PKHD1: variants seen among roughly 807,000 people sequenced by gnomAD.
PKHD1 encodes the protein fibrocystin.
A neutral mutation model predicts 412.0 loss-of-function variants in PKHD1; 291 were observed. The observed-to-expected ratio is 0.71, with a 90% CI of 0.64 to 0.78. The LOEUF is 0.78. Ranked by LOEUF, PKHD1 falls within the 30% of genes least tolerant of loss-of-function variation. The pLI, the probability that PKHD1 is intolerant of heterozygous loss-of-function variation, is 0.00. For synonymous variants in PKHD1, 1,777 were observed against 1,821.5 expected, an observed-to-expected ratio of 0.98 and a Z score of 0.62; for missense variants, 4,825 against 4,950.7, an observed-to-expected ratio of 0.97 and a Z score of 0.76.
At chr6:52,074,126 T>C (rs1811026281) in intron 6 of PKHD1, among the ~76,000 whole-genome samples, 1 of 152,238 alleles carries the variant, frequency 6.6e-6, no homozygotes, top group Non-Finnish European at 1.5e-5. Context: ...AAAAGAATGT[T>C]GGTTAGTGAG....
At chr6:51,926,010 T>G (rs960641942) in intron 37 of PKHD1, among the ~76,000 whole-genome samples, 5 of 148,712 alleles carry the variant, frequency 3.4e-5, no homozygotes, top group Non-Finnish European at 7.4e-5. Flanking sequence ...GCCCTCATGA[T>G]GTATATATTC....
At chr6:51,961,901 G>A (rs780499439) in intron 35 of PKHD1, among the ~76,000 whole-genome samples, 3 of 152,056 alleles carry the variant, frequency 2.0e-5, no homozygotes. Flanking sequence ...TTAATAAAAT[G>A]TAGATTTCTC....
chr6:51,969,472 G>A (rs965907218), intron 35 of PKHD1, among the ~76,000 whole-genome samples: 2 of 152,168 alleles, frequency 1.3e-5, no homozygotes, highest in Admixed American at 1.3e-4. Flanking sequence ...TTGCATAGTG[G>A]TAAAGTCCGG....
At chr6:51,640,071 G>A (rs1431484209) in intron 63 of PKHD1, among the ~76,000 whole-genome samples, 3 of 152,104 alleles carry the variant, frequency 2.0e-5, no homozygotes, top group Non-Finnish European at 2.9e-5. Context: ...AGGTGCCCAA[G>A]ATAAATGCAG....
At chr6:51,621,531 T>C (rs1485112950) in intron 66 of PKHD1, among the ~76,000 whole-genome samples, 1 of 152,178 alleles carries the variant, frequency 6.6e-6, no homozygotes, top group Non-Finnish European at 1.5e-5. Context: ...ATTGGAAATC[T>C]TTTCCCCCTT....
intron 43 of PKHD1, among the ~76,000 whole-genome samples, chr6:51,894,533 C>T (rs922636014): frequency 3.0e-4 from 46 of 152,186 alleles, no homozygotes; most frequent in African/African-American, 9.7e-4. Flanking sequence ...ACTGCAAGCC[C>T]AGCTGAATTC....
At chr6:51,798,593 A>G (rs1400687153) in intron 52 of PKHD1, among the ~76,000 whole-genome samples, 1 of 152,018 alleles carries the variant, frequency 6.6e-6, no homozygotes, top group East Asian at 1.9e-4. Context: ...TTTGATGAGT[A>G]TGTGTCTACG....
intron 61 of PKHD1, among the ~76,000 whole-genome samples, chr6:51,656,947 C>T (rs1359668727): frequency 1.3e-5 from 2 of 151,984 alleles, no homozygotes; most frequent in African/African-American, 2.4e-5. Context: ...TGAGCCATCA[C>T]GCCTGGCCCA....
chr6:51,627,267 T>C (rs1299796748), intron 65 of PKHD1, 151 bp from the exon 66 acceptor site: 1 of 763,614 alleles, frequency 1.3e-6, no homozygotes, highest in Non-Finnish European at 2.3e-6. Context: ...CAAGAAATAA[T>C]GGCATAAAAT....
chr6:51,821,012 T>C (rs1766325160), intron 52 of PKHD1, among the ~76,000 whole-genome samples: 1 of 152,138 alleles, frequency 6.6e-6, no homozygotes, highest in Non-Finnish European at 1.5e-5. Flanking sequence ...CATTAAAAAC[T>C]CCCACGGGCA....
At position 51,980,185 on chromosome 6, in the gene PKHD1, C is replaced by A. The variant is rs967443370; in HGVS notation, c.5752-20159G>T. ...AAACAAATGGGGGATGTCAGTGACA[C>A]CAAAATGCTTTCTCTTGCCTGAAAG... On this transcript the variant is annotated intron_variant, in intron 35 of 66. Coordinates refer to ENST00000371117, the MANE Select transcript of PKHD1 (RefSeq NM_138694.4). Among the ~76,000 whole-genome samples, 32 of 152,234 alleles carry A rather than the reference C, an allele frequency of 2.1e-4. 1 individual carries two copies. Among genetic ancestry groups the A allele is most frequent in the African/African-American group, 7.5e-4 (31 of 41,544 alleles).
chr6:51,885,684 C>T (rs1778091525), intron 45 of PKHD1, among the ~76,000 whole-genome samples, 183 bp downstream of exon 45: 1 of 152,212 alleles, frequency 6.6e-6, no homozygotes, highest in Non-Finnish European at 1.5e-5. Context: ...ATTTGTTTAA[C>T]AACTATTCTA....
chr6:51,793,667 C>T lies in PKHD1; in HGVS notation c.8303-2294G>A, dbSNP rs182588131. Among the ~76,000 whole-genome samples the T allele has an allele frequency of 5.9e-5, 9 of 152,362 alleles. No individual in the cohort carries two copies. The East Asian group carries it at 1.7e-3, about 29-fold the overall frequency. The stretch of plus-strand genomic sequence containing the variant: ...TGCTAAGGATAATGGCCTCCAGCTC[C>T]ATCCATATCCCTGCAAAGGACAAAT... On this transcript the variant is annotated intron_variant, in intron 52 of 66. Coordinates refer to ENST00000371117, the MANE Select transcript of PKHD1 (RefSeq NM_138694.4).
intron 37 of PKHD1, among the ~76,000 whole-genome samples, chr6:51,932,482 C>A (rs971540323): frequency 6.6e-6 from 1 of 152,170 alleles, no homozygotes; most frequent in Non-Finnish European, 1.5e-5. Context: ...TATGGGCTGG[C>A]TGAACCACAA....
At chr6:51,850,523 G>C (rs1772013328) in intron 49 of PKHD1, among the ~76,000 whole-genome samples, 1 of 152,222 alleles carries the variant, frequency 6.6e-6, no homozygotes. Context: ...TCCTATCCAT[G>C]AGCGTGGAAT....
At chr6:51,747,342 A>C (rs576911153) in intron 58 of PKHD1, among the ~76,000 whole-genome samples, 1 of 147,278 alleles carries the variant, frequency 6.8e-6, no homozygotes, top group East Asian at 1.9e-4. Flanking sequence ...TCTACATTTC[A>C]ATTTCCTCAC....
Position 51,867,961 on chromosome 6 carries a change from G to A in PKHD1, c.7635C>T (p.Thr2545=), listed in dbSNP as rs779757789. 4 of 1,613,220 alleles carry A rather than the reference G, an allele frequency of 2.5e-6. No individual in the cohort carries two copies. The highest frequency in any genetic ancestry group is 2.2e-5 in the South Asian group (2 of 91,068). Residue 2545 remains threonine (T), a synonymous_variant, in exon 48 of 67, where the codon ACC becomes ACT. Transcript: ENST00000371117. Reference sequence around the variant, plus strand: ...AATTGACCAAACAAGAAGCTGAAAGGGTTTCCATAGAAGCAAGAATGTGAC... The same window carrying A: ...AATTGACCAAACAAGAAGCTGAAAGAGTTTCCATAGAAGCAAGAATGTGAC... ...NRSHILASME[T]LSASCLVNSS...
At chr6:52,017,354 C>G in intron 34 of PKHD1, 56 bp downstream of exon 34, 1 of 1,235,222 alleles carries the variant, frequency 8.1e-7, no homozygotes, top group Non-Finnish European at 1.2e-6. Context: ...ATGGCTCCAT[C>G]GGTCCATTGG....
At chr6:52,070,382 C>T in intron 10 of PKHD1, 24 bp downstream of exon 10, 1 of 1,495,968 alleles carries the variant, frequency 6.7e-7, no homozygotes, top group African/African-American at 1.4e-5. Flanking sequence ...ACAAATTTGC[C>T]TATTTCTATA....
Sources: allele counts gnomAD v4.1 joint callset (sites outside exome capture counted in the v4.1 genomes callset), GRCh38; gene constraint gnomAD v4.1.1; transcripts MANE v1.5; gene names NCBI Gene and HGNC (gene_info 2026-07-23, HGNC 2026-07-21).